Variants in KCNB2 observed in about 807,000 individuals in gnomAD.
KCNB2 encodes the protein potassium voltage-gated channel subfamily B member 2, also known as delayed rectifier potassium channel protein.
Under a neutral mutation model 61.5 loss-of-function variants are expected in KCNB2, and 15 were observed. The observed-to-expected ratio is 0.24, with a 90% CI of 0.16 to 0.38. KCNB2 has a LOEUF of 0.38. Among genes scored for constraint, KCNB2 ranks in the 10% least tolerant of loss-of-function variants. KCNB2 has a pLI of 1.00. For missense variants in KCNB2, 828 were observed against 1,125.2 expected (o/e 0.74, Z 3.78); for synonymous variants, 457 against 446.0 (o/e 1.02, Z -0.31).
At chr8:72,600,715 T>C (rs188260189) in intron 2 of KCNB2, among the ~76,000 whole-genome samples, 7 of 152,288 alleles carry the variant, frequency 4.6e-5, no homozygotes, top group African/African-American at 1.7e-4. Context: ...GAGACTATTA[T>C]CCTTAGCAAA....
intron 2 of KCNB2, among the ~76,000 whole-genome samples, chr8:72,685,259 CA>C (rs1157329098): frequency 6.6e-6 from 1 of 152,154 alleles, no homozygotes; most frequent in Admixed American, 6.5e-5. Flanking sequence ...TTAAAATCAG[CA>C]CCCCATATTC....
chr8:72,655,115 A>G (rs1172084671), intron 2 of KCNB2, among the ~76,000 whole-genome samples: 5 of 152,206 alleles, frequency 3.3e-5, no homozygotes, highest in African/African-American at 1.2e-4. Flanking sequence ...CTACACAGCT[A>G]TAAAAAAGCA....
chr8:72,548,098 G>A (rs981878858), intron 1 of KCNB2, among the ~76,000 whole-genome samples: 3 of 151,994 alleles, frequency 2.0e-5, no homozygotes, highest in South Asian at 4.1e-4. Context: ...CCCCAATAGA[G>A]CATTTTAATT....
At chr8:72,686,652 A>G (rs1230664304) in intron 2 of KCNB2, among the ~76,000 whole-genome samples, 1 of 152,194 alleles carries the variant, frequency 6.6e-6, no homozygotes, top group Non-Finnish European at 1.5e-5. Flanking sequence ...AACACAATTC[A>G]TCATCGAGTG....
chr8:72,737,709 G>C (rs1249204592), intron 2 of KCNB2, among the ~76,000 whole-genome samples: 1 of 152,078 alleles, frequency 6.6e-6, no homozygotes, highest in Non-Finnish European at 1.5e-5. Flanking sequence ...GGGTGGACTG[G>C]GGCAACAGTT....
chr8:72,590,389 A>G (rs1807075865), intron 2 of KCNB2, among the ~76,000 whole-genome samples: 1 of 152,080 alleles, frequency 6.6e-6, no homozygotes, highest in Non-Finnish European at 1.5e-5. Context: ...CTGAAAGAAC[A>G]TTGGAATCAA....
At chr8:72,562,500 C>G (rs894344954) in intron 1 of KCNB2, among the ~76,000 whole-genome samples, 1 of 152,130 alleles carries the variant, frequency 6.6e-6, no homozygotes. Flanking sequence ...AGTACATTTG[C>G]ACTGGCTGAC....
intron 2 of KCNB2, among the ~76,000 whole-genome samples, chr8:72,931,912 C>T (rs1806792891): frequency 6.6e-6 from 1 of 152,164 alleles, no homozygotes; most frequent in Admixed American, 6.5e-5. Flanking sequence ...ACTTGGGAGG[C>T]TGAGGCACAA....
intron 2 of KCNB2, among the ~76,000 whole-genome samples, chr8:72,803,234 A>C (rs1388983382): frequency 6.6e-6 from 1 of 152,112 alleles, no homozygotes; most frequent in East Asian, 1.9e-4. Context: ...GACCCCCAAG[A>C]GCCAGCCAAC....
chr8:72,649,031 A>G (rs1425962703), intron 2 of KCNB2, among the ~76,000 whole-genome samples: 3 of 152,074 alleles, frequency 2.0e-5, no homozygotes, highest in African/African-American at 7.2e-5. Flanking sequence ...ATAATACAAA[A>G]CCATGCCTTC....
intron 2 of KCNB2, among the ~76,000 whole-genome samples, chr8:72,599,542 A>G (rs529357042): frequency 1.3e-5 from 2 of 152,334 alleles, no homozygotes; most frequent in Admixed American, 1.3e-4. Flanking sequence ...GGCATGGGCA[A>G]GGACTTCATG....
intron 2 of KCNB2, among the ~76,000 whole-genome samples, chr8:72,808,377 G>T (rs565280040): frequency 6.6e-6 from 1 of 151,982 alleles, no homozygotes; most frequent in Admixed American, 6.6e-5. Context: ...GACAACATAC[G>T]AATGAACTAC....
At chr8:72,648,791 A>G (rs1806169690) in intron 2 of KCNB2, among the ~76,000 whole-genome samples, 1 of 152,158 alleles carries the variant, frequency 6.6e-6, no homozygotes, top group Non-Finnish European at 1.5e-5. Context: ...ATTATAATTC[A>G]GAAATGACAT....
Position 72,567,936 on chromosome 8 carries a change from A to G in KCNB2, c.202A>G (p.Asn68Asp), listed in dbSNP as rs1806652037. 1.2e-6 allele frequency: 2 copies of G among 1,613,936 alleles called. No homozygotes were observed. The highest frequency in any genetic ancestry group is 2.2e-5 in the South Asian group (2 of 91,046). Reference sequence around the variant, plus strand: ...GCGCCTGGGGAAGCTTCGAGACTGCAACACACACGAGAGCCTCCTGGAAGT... The same window carrying G: ...GCGCCTGGGGAAGCTTCGAGACTGCGACACACACGAGAGCCTCCTGGAAGT... ...RTRLGKLRDC[N>D]THESLLEVCD... The change falls in exon 2 of 3, where the codon AAC becomes GAC. Residue 68 changes from asparagine to aspartate, a missense_variant. By Grantham distance (23) the Asn-to-Asp change is conservative. Transcript: ENST00000523207.
Position 72,634,992 on chromosome 8 carries a change from C to T in KCNB2, c.579+66679C>T, listed in dbSNP as rs542350820. On this transcript the variant is annotated intron_variant, in intron 2 of 2. Transcript: ENST00000523207. ...GCTTTTATCATATTGGGAGCTGGTC[C>T]AGGAAGTATGAATGTGAAATTTTAG... Among the ~76,000 whole-genome samples, 17 of 152,192 alleles carry T rather than the reference C, an allele frequency of 1.1e-4. No individual in the cohort carries two copies. The East Asian group carries it at 1.9e-3, about 17-fold the overall frequency.
intron 1 of KCNB2, among the ~76,000 whole-genome samples, chr8:72,560,809 A>G (rs747077732): frequency 3.9e-5 from 6 of 152,138 alleles, no homozygotes; most frequent in Non-Finnish European, 7.3e-5. Context: ...GAATAAAGAA[A>G]GGTTTTTTTT....
chr8:72,775,698 G>A (rs1208048553), intron 2 of KCNB2, among the ~76,000 whole-genome samples: 2 of 147,778 alleles, frequency 1.4e-5, no homozygotes, highest in East Asian at 2.0e-4. Flanking sequence ...AAACAGGGGA[G>A]ATTAAGTGGC....
chr8:72,902,095 T>C (rs753018250), intron 2 of KCNB2, among the ~76,000 whole-genome samples: 2 of 152,148 alleles, frequency 1.3e-5, no homozygotes, highest in Non-Finnish European at 2.9e-5. Context: ...AGGGCAAATT[T>C]CTTCAGCAGT....
At chr8:72,619,986 T>A (rs920164574) in intron 2 of KCNB2, among the ~76,000 whole-genome samples, 2 of 152,218 alleles carry the variant, frequency 1.3e-5, no homozygotes, top group African/African-American at 4.8e-5. Flanking sequence ...AGCAAATTTG[T>A]TTTAAAGACT....
Sources: gnomAD v4.1 joint callset for allele counts (sites outside exome capture counted in the v4.1 genomes callset) on GRCh38, gnomAD v4.1.1 for gene constraint, MANE v1.5 for transcripts, NCBI Gene and HGNC (gene_info 2026-07-23, HGNC 2026-07-21) for gene names.